The following ZFY variants were observed in gnomAD, a reference collection of about 807,000 sequenced individuals.
The protein encoded by ZFY is zinc finger protein Y-linked.
For synonymous variants in ZFY, 47 were observed against 55.8 expected (o/e 0.84, Z 0.71); for missense variants, 113 against 170.9 (o/e 0.66, Z 1.89).
chrY:2,949,411 G>A (rs2051271847), intron 1 of ZFY, among the ~76,000 whole-genome samples: 1 of 31,560 alleles, frequency 3.2e-5, no homozygotes, highest in Non-Finnish European at 7.6e-5. Context: ...AGGATTACTG[G>A]GGTGAGCCAC....
intron 6 of ZFY, among the ~76,000 whole-genome samples, chrY:2,977,221 G>T (rs2051378598): frequency 9.5e-5 from 2 of 21,096 alleles, no homozygotes; most frequent in South Asian, 1.2e-3. Context: ...AAAAAAAAGG[G>T]TTTTTTTTAG....
At chrY:2,969,683 T>C in intron 3 of ZFY, among the ~76,000 whole-genome samples, 1 of 33,176 alleles carries the variant, frequency 3.0e-5, no homozygotes, top group Admixed American at 2.7e-4. Context: ...ATCATGCTTT[T>C]TTTTTCTATC....
chrY:2,950,842 G>C, intron 1 of ZFY, among the ~76,000 whole-genome samples: 1 of 33,268 alleles, frequency 3.0e-5, no homozygotes, highest in Admixed American at 2.7e-4. Flanking sequence ...TAGAGTCCTA[G>C]AATGTAGCAG....
In ZFY at chrY:2,980,131, CT is replaced by C; in HGVS notation, c.*141del. Reference sequence around the variant, plus strand: ...GAATTATTGCTTCTAGTCCACTTTTCTTTACATTTTATTCAATACGCTGTCC... The same window carrying C: ...GAATTATTGCTTCTAGTCCACTTTTCTTACATTTTATTCAATACGCTGTCC... On this transcript the variant is annotated 3_prime_UTR_variant, in exon 8 of 8. Transcript: ENST00000155093. 1.9e-5 allele frequency: 4 copies of C among 205,654 alleles called. No individual in the cohort carries two copies. Among genetic ancestry groups the C allele is most frequent in the Non-Finnish European group, 3.3e-5 (4 of 122,252 alleles). 51.3% of individuals were successfully genotyped at this position (205,654 alleles called of 400,897 possible).
chrY:2,938,154 ATTTTTTTTTTTTTTTTTTTTT>A (rs368708159), intron 1 of ZFY, among the ~76,000 whole-genome samples: 1 of 2,844 alleles, frequency 3.5e-4, no homozygotes, highest in African/African-American at 1.9e-3. Context: ...CGCCGGGCTA[ATTTTTTTTTTTTTTTTTTTTT>A]TTTTTTTTTT....
At chrY:2,943,127 A>G in intron 1 of ZFY, among the ~76,000 whole-genome samples, 1 of 34,177 alleles carries the variant, frequency 2.9e-5, no homozygotes, top group African/African-American at 1.1e-4. Flanking sequence ...GTATTTTACC[A>G]TGGATAGAGT....
chrY:2,962,004 T>G, intron 3 of ZFY, among the ~76,000 whole-genome samples: 1 of 33,039 alleles, frequency 3.0e-5, no homozygotes, highest in African/African-American at 1.2e-4. Flanking sequence ...ATGTAGTCAT[T>G]TCACTTTCCC....
chrY:2,972,699 T>G (rs1043834204), intron 3 of ZFY, among the ~76,000 whole-genome samples: 1 of 33,956 alleles, frequency 2.9e-5, no homozygotes, highest in Admixed American at 2.7e-4. Context: ...TTTGTTATAC[T>G]GTTCTTTATT....
chrY:2,936,472 G>A (rs2051216564), intron 1 of ZFY, among the ~76,000 whole-genome samples: 2 of 34,062 alleles, frequency 5.9e-5, no homozygotes, highest in African/African-American at 2.3e-4. Context: ...AGACAGTACA[G>A]TACAAATTAT....
In ZFY at chrY:2,980,426, A is replaced by G. The variant is rs946124183; in HGVS notation, c.*433A>G. 3.8e-4 allele frequency: 15 copies of G among 39,862 alleles called. No homozygotes were observed. Among genetic ancestry groups the G allele is most frequent in the Non-Finnish European group, 4.0e-4 (7 of 17,418 alleles). 9.9% of individuals were successfully genotyped at this position (39,862 alleles called of 400,897 possible). ...ATGGGAGGTTTTACTGTCAAGTCCA[A>G]TTAGCAAAACGTGGTAATAATTTTT... On this transcript the variant is annotated 3_prime_UTR_variant, in exon 8 of 8. Transcript: ENST00000155093.
intron 1 of ZFY, among the ~76,000 whole-genome samples, chrY:2,939,069 T>C: frequency 4.1e-5 from 1 of 24,160 alleles, no homozygotes; most frequent in Non-Finnish European, 9.4e-5. Flanking sequence ...ATTGATATCC[T>C]TTGAATTGTT....
At chrY:2,976,903 G>T in intron 6 of ZFY, 81 bp downstream of exon 6, 1 of 275,842 alleles carries the variant, frequency 3.6e-6, no homozygotes, top group Non-Finnish European at 5.3e-6. Flanking sequence ...TTGGCCAGGC[G>T]TGGTGGCTCA....
chrY:2,935,762 G>C lies in ZFY; in HGVS notation c.-36G>C, dbSNP rs917854667. 2 of 34,518 alleles carry C rather than the reference G, an allele frequency of 5.8e-5. No homozygotes were observed. Among genetic ancestry groups the C allele is most frequent in the African/African-American group, 2.2e-4 (2 of 8,893 alleles). The allele number at this position is 34,518 out of a possible 400,897, so 8.6% of individuals were successfully genotyped here. A position where few individuals can be genotyped will look rare whatever the true frequency, so the allele number is the denominator to read the frequency against. On this transcript the variant is annotated 5_prime_UTR_variant, in exon 1 of 8. Transcript: ENST00000155093. ...CGGGGGCGAGAAGGCGAAGGCTGCA[G>C]GCGTGAGGTGAAGGCCGGAGGCCTG...
At position 2,976,801 on chromosome Y, in the gene ZFY, A is replaced by G. The variant is rs1444263877; in HGVS notation, c.1060A>G (p.Ile354Val). 1 of 396,958 alleles carries G rather than the reference A, an allele frequency of 2.5e-6. No homozygotes were observed. Among genetic ancestry groups the G allele is most frequent in the Non-Finnish European group, 3.5e-6 (1 of 282,564 alleles). The stretch of plus-strand genomic sequence containing the variant: ...GGATGAAATGAAAACCTTCGTACCA[A>G]TTGCATGGGCAGCAGCTTATGGTAA... ...DEDEMKTFVP[I>V]AWAAAYGNNS... The change falls in exon 6 of 8, where the codon ATT (isoleucine) becomes GTT (valine). Residue 354 changes from isoleucine to valine, a missense_variant. Physicochemically the swap from Ile to Val is conservative, Grantham distance 29. Transcript: ENST00000155093.
chrY:2,956,379 T>C (rs2051293059), intron 2 of ZFY, among the ~76,000 whole-genome samples: 1 of 33,546 alleles, frequency 3.0e-5, no homozygotes. Context: ...GAAACAATTA[T>C]ACAGTTCACC....
intron 3 of ZFY, among the ~76,000 whole-genome samples, chrY:2,962,853 G>A: frequency 6.0e-5 from 2 of 33,170 alleles, no homozygotes. Flanking sequence ...AAAAAAGGGG[G>A]AGTAAGGTGG....
At chrY:2,938,775 G>A (rs2051226174) in intron 1 of ZFY, among the ~76,000 whole-genome samples, 4 of 28,422 alleles carry the variant, frequency 1.4e-4, no homozygotes, top group African/African-American at 5.6e-4. Flanking sequence ...ATGGGGTTTC[G>A]CCATGTTGGT....
At chrY:2,949,988 T>C (rs2051273539) in intron 1 of ZFY, among the ~76,000 whole-genome samples, 1 of 33,100 alleles carries the variant, frequency 3.0e-5, no homozygotes. Context: ...ATTAGTTGTT[T>C]TCTCATCTTC....
At chrY:2,978,512 A>T (rs376556578) in intron 7 of ZFY, among the ~76,000 whole-genome samples, 2 of 32,999 alleles carry the variant, frequency 6.1e-5, no homozygotes, top group East Asian at 1.6e-3. Context: ...CCAAAGCAGA[A>T]ATGCTGGACT....
Sources: allele counts gnomAD v4.1 joint callset (sites outside exome capture counted in the v4.1 genomes callset), GRCh38; gene constraint gnomAD v4.1.1; transcripts MANE v1.5; gene names NCBI Gene and HGNC (gene_info 2026-07-23, HGNC 2026-07-21).